Variants in STK33 observed in about 807,000 individuals in gnomAD.
The protein encoded by STK33 is serine/threonine kinase 33, also known as serine/threonine-protein kinase 33.
In STK33, 52 loss-of-function variants were observed where a neutral mutation model predicts 58.0. The ratio of observed to expected loss-of-function variants is 0.90; its 90% CI spans 0.72 to 1.13. The LOEUF (loss-of-function observed/expected upper bound fraction) is 1.13, where lower values mean the gene tolerates loss of function less well. Ranked by LOEUF, STK33 falls within the 50% of genes most tolerant of loss-of-function variation. The pLI is 0.00. For synonymous variants in STK33, 215 were observed against 200.1 expected, an observed-to-expected ratio of 1.07 and a Z score of -0.63; for missense variants, 630 against 604.2, an observed-to-expected ratio of 1.04 and a Z score of -0.45.
At chr11:8,517,481 G>T (rs1004392472) in intron 1 of STK33, among the ~76,000 whole-genome samples, 3 of 152,218 alleles carry the variant, frequency 2.0e-5, no homozygotes, top group Admixed American at 2.0e-4. Context: ...GCTGGACGGA[G>T]AATGACTTTG....
the STK33 span, among the ~76,000 whole-genome samples, chr11:8,344,502 A>G: frequency 6.6e-6 from 1 of 152,242 alleles, no homozygotes; most frequent in African/African-American, 2.4e-5. Flanking sequence ...GGTAGTTACT[A>G]TATCATCCTT....
At chr11:8,554,227 G>A (rs572460768) in intron 1 of STK33, among the ~76,000 whole-genome samples, 94 of 151,940 alleles carry the variant, frequency 6.2e-4, no homozygotes, top group Non-Finnish European at 1.1e-3. Context: ...AGACCATCCT[G>A]GCTAACACAG....
rs34999243 is a variant in STK33 at position 8,534,568 on chromosome 11, CTGTGTGTG to C, written c.-465-53962_-465-53955del. 6.9e-3 allele frequency among the ~76,000 whole-genome samples: 718 copies of C among 104,704 alleles called. 10 individuals are homozygous for C. The highest frequency in any genetic ancestry group is 7.9e-3 in the Non-Finnish European group (426 of 54,204). The allele number at this position is 104,704 out of a possible 152,430, so 68.7% of individuals were successfully genotyped here. A position where few individuals can be genotyped will look rare whatever the true frequency, so the allele number is the denominator to read the frequency against. On this transcript the variant is annotated intron_variant, in intron 1 of 15. Transcript: ENST00000687296. Reference sequence around the variant, plus strand: ...TCTCTCTCTCTCTCTCTCTCTCTCTCTGTGTGTGTGTGTGTGTGTGTGTGTGTGTGTGT... The same window carrying C: ...TCTCTCTCTCTCTCTCTCTCTCTCTCTGTGTGTGTGTGTGTGTGTGTGTGT...
At chr11:8,431,312 A>C (rs1943400424) in intron 14 of STK33, among the ~76,000 whole-genome samples, 1 of 152,230 alleles carries the variant, frequency 6.6e-6, no homozygotes, top group South Asian at 2.1e-4. Context: ...CAGAAGGAGA[A>C]AATAACAGCC....
chr11:8,547,641 G>C (rs1295277897), intron 1 of STK33, among the ~76,000 whole-genome samples: 1 of 152,174 alleles, frequency 6.6e-6, no homozygotes. Flanking sequence ...TGTGGATGGA[G>C]AGTTTGTAAA....
chr11:8,475,607 A>T (rs1046354596), intron 4 of STK33: 5 of 152,196 alleles, frequency 3.3e-5, no homozygotes, highest in African/African-American at 1.2e-4. Flanking sequence ...GTATCCTCAT[A>T]AGTATCCTCA....
chr11:8,455,958 A>G (rs943929532), intron 9 of STK33, among the ~76,000 whole-genome samples: 1 of 151,596 alleles, frequency 6.6e-6, no homozygotes, highest in African/African-American at 2.4e-5. Context: ...TATTGTTTCC[A>G]TTGCTCTTCT....
chr11:8,357,145 T>C, the STK33 span, among the ~76,000 whole-genome samples: 27 of 152,400 alleles, frequency 1.8e-4, no homozygotes, highest in East Asian at 5.2e-3. Context: ...AAATGAACTC[T>C]GCTCCAAGTA....
Position 8,469,951 on chromosome 11 carries a change from T to A in STK33, c.339+3212A>T, listed in dbSNP as rs550589642. Among the ~76,000 whole-genome samples, 6 of 152,360 alleles carry A rather than the reference T, an allele frequency of 3.9e-5. No homozygotes were observed. In the South Asian group the frequency reaches 1.0e-3, roughly 26 times the overall value. On this transcript the variant is annotated intron_variant, in intron 6 of 15. Transcript: ENST00000687296. ...AGGTGCTATCATTCAGGCTTTGTTG[T>A]TTTATTTAATGAGCACAGGCAGAGC...
At chr11:8,507,930 G>T (rs150700734) in intron 1 of STK33, among the ~76,000 whole-genome samples, 3 of 151,992 alleles carry the variant, frequency 2.0e-5, no homozygotes, top group Non-Finnish European at 4.4e-5. Flanking sequence ...TCACTCTGTC[G>T]CCCATGTTGC....
At chr11:8,560,789 T>A (rs1957066258) in intron 1 of STK33, among the ~76,000 whole-genome samples, 1 of 152,170 alleles carries the variant, frequency 6.6e-6, no homozygotes, top group African/African-American at 2.4e-5. Flanking sequence ...CCTAGTAGGT[T>A]AGTAGTATCA....
intron 1 of STK33, among the ~76,000 whole-genome samples, chr11:8,516,062 C>T (rs1391116186): frequency 1.3e-5 from 2 of 152,140 alleles, no homozygotes; most frequent in Non-Finnish European, 2.9e-5. Flanking sequence ...GAAAGCAATC[C>T]TAAAATTCAC....
rs541903768 is a variant in STK33 at position 8,398,321 on chromosome 11, C to A, written c.1345-5611G>T. 1.4e-4 allele frequency among the ~76,000 whole-genome samples: 21 copies of A among 152,236 alleles called. No individual in the cohort carries two copies. In the South Asian group the frequency reaches 3.5e-3, roughly 26 times the overall value. ...GGGCCAATATTCAACATTCTTAAAGCAAAGAATTTTCAACCCACAATTTCA... is the reference window on the plus strand; with the variant it reads ...GGGCCAATATTCAACATTCTTAAAGAAAAGAATTTTCAACCCACAATTTCA... On this transcript the variant is annotated intron_variant, in intron 15 of 15. Transcript: ENST00000687296.
At chr11:8,523,874 G>A (rs1051507910) in intron 1 of STK33, among the ~76,000 whole-genome samples, 3 of 152,252 alleles carry the variant, frequency 2.0e-5, no homozygotes, top group Non-Finnish European at 4.4e-5. Context: ...TTGTCGAATA[G>A]AAAAGGGGGA....
intron 1 of STK33, among the ~76,000 whole-genome samples, chr11:8,531,577 C>T (rs148319310): frequency 8.5e-4 from 130 of 152,322 alleles, no homozygotes; most frequent in African/African-American, 3.0e-3. Context: ...GGGAGCTTAG[C>T]TTGGCCTATC....
chr11:8,355,547 G>A, the STK33 span, among the ~76,000 whole-genome samples: 2 of 152,170 alleles, frequency 1.3e-5, no homozygotes, highest in African/African-American at 2.4e-5. Context: ...CTACAAAAAC[G>A]GGGTGTTCCT....
At chr11:8,339,881 G>A in the STK33 span, among the ~76,000 whole-genome samples, 3 of 152,286 alleles carry the variant, frequency 2.0e-5, no homozygotes, top group African/African-American at 7.2e-5. Flanking sequence ...CCTCCACCAG[G>A]TGAGTCCTCA....
chr11:8,435,754 A>T (rs1943985514), intron 13 of STK33, among the ~76,000 whole-genome samples, 175 bp from the exon 14 acceptor site: 1 of 152,182 alleles, frequency 6.6e-6, no homozygotes, highest in South Asian at 2.1e-4. Flanking sequence ...GTGAAGTTTT[A>T]TTGCCTGGAT....
intron 1 of STK33, among the ~76,000 whole-genome samples, chr11:8,515,457 C>T (rs1168083239): frequency 1.3e-5 from 2 of 152,148 alleles, no homozygotes; most frequent in African/African-American, 4.8e-5. Flanking sequence ...TTATAGACTT[C>T]ACTGGTGAAT....
Sources: gnomAD v4.1 joint callset for allele counts (sites outside exome capture counted in the v4.1 genomes callset) on GRCh38, gnomAD v4.1.1 for gene constraint, MANE v1.5 for transcripts, NCBI Gene and HGNC (gene_info 2026-07-23, HGNC 2026-07-21) for gene names.